SLC39A11: variants seen among roughly 807,000 people sequenced by gnomAD.
SLC39A11 encodes zinc transporter ZIP11.
SLC39A11 carries 33 observed loss-of-function variants against 36.1 expected under a neutral mutation model. The ratio of observed to expected loss-of-function variants is 0.91; its 90% CI spans 0.69 to 1.22. SLC39A11 has a LOEUF of 1.22. Ranked by LOEUF, SLC39A11 falls within the 50% of genes most tolerant of loss-of-function variation. The pLI is 0.00. For missense variants in SLC39A11, 432 were observed against 430.3 expected (o/e 1.00, Z -0.03); for synonymous variants, 166 against 170.3 (o/e 0.97, Z 0.20).
Position 72,649,193 on chromosome 17 carries a change from G to T in SLC39A11, c.747C>A (p.Gly249=), listed in dbSNP as rs1242755568. 2 of 1,614,050 alleles carry T rather than the reference G, an allele frequency of 1.2e-6. No homozygotes were observed. The highest frequency in any genetic ancestry group is 2.7e-5 in the African/African-American group (2 of 74,960). Residue 249 remains glycine, a synonymous_variant, in exon 8 of 10, where the codon GGC becomes GGA. Coordinates refer to ENST00000255559, the MANE Select transcript of SLC39A11 (RefSeq NM_139177.4). ...ACCAGAAAGCTCTCCAGGTGGAGAA[G>T]CCTGCCCCTCGCAAGGGAAGGCTGA... ...LAVSLPLRGA[G]FSTWRAFWYG...
rs1410670565 is a variant in SLC39A11, at chr17:73,055,402, T to C, written c.148-23688A>G. On this transcript the variant is annotated intron_variant, in intron 3 of 9. Transcript: ENST00000255559. ...CTGCAACCTGGCCTGGGACATAGAC[T>C]AACTGAAAGCCTAGCTTAGGAGTAC... Among the ~76,000 whole-genome samples the C allele has an allele frequency of 2.0e-5, 3 of 152,020 alleles. No homozygotes were observed. In the East Asian group the frequency reaches 5.8e-4, roughly 29 times the overall value.
intron 6 of SLC39A11, chr17:72,838,116 C>T: frequency 2.2e-6 from 1 of 462,714 alleles, no homozygotes; most frequent in East Asian, 3.5e-5. Context: ...ACACCCTTGT[C>T]TCTACTGGAA....
intron 6 of SLC39A11, among the ~76,000 whole-genome samples, chr17:72,744,075 C>T (rs926368167): frequency 1.3e-5 from 2 of 152,218 alleles, no homozygotes; most frequent in Admixed American, 6.5e-5. Context: ...CCCTCCATGG[C>T]CTCCTCTGCG....
intron 7 of SLC39A11, among the ~76,000 whole-genome samples, chr17:72,729,418 T>C (rs1322648862): frequency 3.3e-4 from 1 of 3,060 alleles, no homozygotes; most frequent in African/African-American, 9.2e-4. Flanking sequence ...TATATATATA[T>C]ATATATATAT....
chr17:72,781,974 A>C (rs984474843), intron 6 of SLC39A11, among the ~76,000 whole-genome samples: 4 of 151,920 alleles, frequency 2.6e-5, no homozygotes, highest in African/African-American at 4.8e-5. Flanking sequence ...GCCTCTCTCT[A>C]TATATACATA....
chr17:72,940,839 C>T (rs957956498), intron 5 of SLC39A11, among the ~76,000 whole-genome samples: 2 of 152,196 alleles, frequency 1.3e-5, no homozygotes, highest in Non-Finnish European at 2.9e-5. Flanking sequence ...TCACGTCCCC[C>T]GCTTCAAATT....
intron 6 of SLC39A11, among the ~76,000 whole-genome samples, chr17:72,819,853 G>T (rs909830142): frequency 1.3e-5 from 2 of 151,130 alleles, no homozygotes; most frequent in African/African-American, 4.8e-5. Flanking sequence ...AACTCCAAAG[G>T]AGAGCCCAGA....
chr17:72,867,904 G>A (rs1187197344), intron 5 of SLC39A11, among the ~76,000 whole-genome samples: 2 of 152,134 alleles, frequency 1.3e-5, no homozygotes, highest in Non-Finnish European at 2.9e-5. Flanking sequence ...TCCTACATAA[G>A]CAAACCAAAA....
chr17:72,659,636 GCA>G (rs1434644925), intron 7 of SLC39A11, among the ~76,000 whole-genome samples: 1 of 127,974 alleles, frequency 7.8e-6, no homozygotes, highest in African/African-American at 2.9e-5. Context: ...AGGCTGAAGT[GCA>G]GTGGCGCGAT....
At chr17:72,824,264 C>T (rs1254048777) in intron 6 of SLC39A11, among the ~76,000 whole-genome samples, 1 of 151,168 alleles carries the variant, frequency 6.6e-6, no homozygotes, top group African/African-American at 2.4e-5. Context: ...TTCACTCTCT[C>T]TCTCTCCTGC....
chr17:72,945,498 T>C (rs1007559512), intron 5 of SLC39A11, among the ~76,000 whole-genome samples: 1 of 152,128 alleles, frequency 6.6e-6, no homozygotes, highest in Non-Finnish European at 1.5e-5. Flanking sequence ...CAAATAGCCA[T>C]TATCAGTTTT....
rs117938817 is a variant in SLC39A11 at position 72,948,609 on chromosome 17, G to A, written c.307-734C>T. Reference sequence around the variant, plus strand: ...CCATCTCAAAGGAAGGAAGCAGTGCGAGTTGCAGAGAATGCACACATATTT... The same window carrying A: ...CCATCTCAAAGGAAGGAAGCAGTGCAAGTTGCAGAGAATGCACACATATTT... On this transcript the variant is annotated intron_variant, in intron 4 of 9. Transcript: ENST00000255559. 9.2e-5 allele frequency among the ~76,000 whole-genome samples: 14 copies of A among 152,336 alleles called. No homozygotes were observed. The East Asian group carries it at 2.5e-3, about 27-fold the overall frequency.
intron 6 of SLC39A11, among the ~76,000 whole-genome samples, chr17:72,843,890 C>T (rs572795631): frequency 6.6e-6 from 1 of 152,208 alleles, no homozygotes; most frequent in Admixed American, 6.5e-5. Context: ...TCGGGTGTGG[C>T]CTCACACTCT....
intron 7 of SLC39A11, among the ~76,000 whole-genome samples, chr17:72,734,536 C>T (rs559326808): frequency 9.8e-5 from 15 of 152,330 alleles, no homozygotes; most frequent in Admixed American, 3.3e-4. Context: ...CGACTCCACC[C>T]CAGTTAGAGG....
chr17:72,744,452 A>C (rs1392066316), intron 6 of SLC39A11, among the ~76,000 whole-genome samples: 1 of 152,252 alleles, frequency 6.6e-6, no homozygotes, highest in African/African-American at 2.4e-5. Flanking sequence ...TCTTATATTA[A>C]TAGAACATTC....
chr17:72,659,605 CAG>C, intron 7 of SLC39A11, among the ~76,000 whole-genome samples: 1 of 98,400 alleles, frequency 1.0e-5, no homozygotes, highest in Non-Finnish European at 1.9e-5. Flanking sequence ...TTTTTGGAGA[CAG>C]AGTCTTGCTC....
Position 72,693,807 on chromosome 17 carries a change from C to T in SLC39A11, c.671+42843G>A, listed in dbSNP as rs531262234. Among the ~76,000 whole-genome samples, 12 of 152,292 alleles carry T rather than the reference C, an allele frequency of 7.9e-5. No individual in the cohort carries two copies. In the South Asian group the frequency reaches 8.3e-4, roughly 11 times the overall value. On this transcript the variant is annotated intron_variant, in intron 7 of 9. Coordinates refer to ENST00000255559, the MANE Select transcript of SLC39A11 (RefSeq NM_139177.4). ...CCTCCCAAGCAGCTGGAATTACAGGCGCCCACCACCACGCCTGGCTAATTT... is the reference window on the plus strand; with the variant it reads ...CCTCCCAAGCAGCTGGAATTACAGGTGCCCACCACCACGCCTGGCTAATTT...
chr17:72,976,660 C>G (rs908022477), intron 4 of SLC39A11, among the ~76,000 whole-genome samples: 1 of 152,146 alleles, frequency 6.6e-6, no homozygotes, highest in African/African-American at 2.4e-5. Context: ...ACCATCCAGG[C>G]CAACATGGTG....
intron 6 of SLC39A11, among the ~76,000 whole-genome samples, chr17:72,832,265 T>C (rs2078316359): frequency 6.6e-6 from 1 of 152,214 alleles, no homozygotes; most frequent in Non-Finnish European, 1.5e-5. Flanking sequence ...AATGGTGGTC[T>C]GAAATGGCTT....
Sources: allele counts gnomAD v4.1 joint callset (sites outside exome capture counted in the v4.1 genomes callset), GRCh38; gene constraint gnomAD v4.1.1; transcripts MANE v1.5; gene names NCBI Gene and HGNC (gene_info 2026-07-23, HGNC 2026-07-21).